TOPAZ1: variants seen among roughly 807,000 people sequenced by gnomAD.
The protein encoded by TOPAZ1 is testis and ovary specific TOPAZ 1.
A neutral mutation model predicts 172.2 loss-of-function variants in TOPAZ1; 66 were observed. The observed-to-expected ratio is 0.38, with a 90% confidence interval of 0.31 to 0.47. The LOEUF (loss-of-function observed/expected upper bound fraction) is 0.47, where lower values mean the gene tolerates loss of function less well. Among genes scored for constraint, TOPAZ1 ranks in the 20% least tolerant of loss-of-function variants. The pLI is 0.99. For synonymous variants in TOPAZ1, 681 were observed against 683.9 expected, an observed-to-expected ratio of 1.00 and a Z score of 0.07; for missense variants, 1,822 against 1,972.4, an observed-to-expected ratio of 0.92 and a Z score of 1.44.
intron 2 of TOPAZ1, among the ~76,000 whole-genome samples, chr3:44,246,153 G>A (rs909676797): frequency 6.6e-6 from 1 of 152,164 alleles, no homozygotes; most frequent in East Asian, 1.9e-4. Flanking sequence ...TAAGGCAATG[G>A]TTTTAAATGA....
intron 15 of TOPAZ1, among the ~76,000 whole-genome samples, chr3:44,306,687 GT>G (rs1277628647): frequency 5.9e-5 from 9 of 152,162 alleles, no homozygotes; most frequent in African/African-American, 2.2e-4. Context: ...CCTGGGCAAT[GT>G]GGACAGATTC....
chr3:44,281,451 T>A (rs2125690789), intron 8 of TOPAZ1, among the ~76,000 whole-genome samples: 1 of 152,352 alleles, frequency 6.6e-6, no homozygotes, highest in Non-Finnish European at 1.5e-5. Context: ...ACTTTTTGCA[T>A]CCTGTTGAAG....
rs1700129710 is a variant in TOPAZ1, at chr3:44,290,871, T to A, written c.3782T>A (p.Leu1261Gln). 6 of 1,545,018 alleles carry A rather than the reference T, an allele frequency of 3.9e-6. No homozygotes were observed. The highest frequency in any genetic ancestry group is 4.4e-6 in the Non-Finnish European group (5 of 1,144,074). Residue 1261 changes from leucine to glutamine, a missense_variant, in exon 12 of 20, where the codon CTG (leucine) becomes CAG (glutamine). By Grantham distance (113) the Leu-to-Gln change is moderately radical. Transcript: ENST00000309765. ...TCCAAACAAGAAATAACTGCAGTTC[T>A]GGAAATGAAATCGAGGTGAGAAAAA... Reference protein sequence around the residue: ...QASKQEITAVLEMKSRLQMRR... With the variant: ...QASKQEITAVQEMKSRLQMRR...
chr3:44,323,042 G>C, intron 17 of TOPAZ1, 50 bp from the exon 18 acceptor site: 3 of 1,311,158 alleles, frequency 2.3e-6, no homozygotes, highest in Non-Finnish European at 3.1e-6. Flanking sequence ...ATGGAGGTTT[G>C]AGACACTTTA....
chr3:44,270,617 G>A (rs1422337184), intron 7 of TOPAZ1, 68 bp from the exon 8 acceptor site: 1 of 1,155,688 alleles, frequency 8.7e-7, no homozygotes, highest in African/African-American at 1.6e-5. Flanking sequence ...TGCTTCAAAT[G>A]CTGTCTTGCT....
chr3:44,316,569 T>C (rs1700453961), intron 16 of TOPAZ1, among the ~76,000 whole-genome samples: 1 of 152,144 alleles, frequency 6.6e-6, no homozygotes, highest in African/African-American at 2.4e-5. Context: ...TCTTTAACTT[T>C]ATGATGTTTT....
chr3:44,331,390 A>G (rs1010556252), intron 19 of TOPAZ1, among the ~76,000 whole-genome samples: 2 of 152,060 alleles, frequency 1.3e-5, no homozygotes, highest in Non-Finnish European at 2.9e-5. Context: ...CAGTGGTGCA[A>G]TCATAGCTCA....
Position 44,285,509 on chromosome 3 carries a change from T to C in TOPAZ1, c.3437-1880T>C, listed in dbSNP as rs148548837. 9.7e-3 allele frequency among the ~76,000 whole-genome samples: 1,473 copies of C among 152,154 alleles called. 10 individuals are homozygous for C. Among genetic ancestry groups the C allele is most frequent in the Middle Eastern group, 0.02 (6 of 294 alleles). ...ATAAAAGACAATGCAGTAGTTTGTGTCAAAATGTATTAAAATGTTCAGACA... is the reference window on the plus strand; with the variant it reads ...ATAAAAGACAATGCAGTAGTTTGTGCCAAAATGTATTAAAATGTTCAGACA... On this transcript the variant is annotated intron_variant, in intron 9 of 19. Coordinates refer to ENST00000309765, the MANE Select transcript of TOPAZ1 (RefSeq NM_001145030.2).
Position 44,304,076 on chromosome 3 carries a change from T to C in TOPAZ1, c.3859T>C (p.Leu1287=). The C allele has an allele frequency of 1.3e-6, 2 of 1,512,086 alleles. No individual in the cohort carries two copies. The highest frequency in any genetic ancestry group is 1.8e-6 in the Non-Finnish European group (2 of 1,114,528). 93.7% of individuals were successfully genotyped at this position (1,512,086 alleles called of 1,614,324 possible). The change falls in exon 13 of 20, where the codon TTA becomes CTA. Residue 1287 remains leucine (L), a synonymous_variant. Transcript: ENST00000309765. The stretch of plus-strand genomic sequence containing the variant: ...TGATTTAGATTCAGCCTTGAATAAA[T>C]TAGAGGTATGACATTTATTATTTTA... ...KCDLDSALNK[L]EHCKEKGDWT...
chr3:44,284,728 TA>T (rs1168121426), intron 9 of TOPAZ1, among the ~76,000 whole-genome samples: 2 of 152,252 alleles, frequency 1.3e-5, no homozygotes, highest in Admixed American at 6.5e-5. Context: ...AAAAACATTT[TA>T]AAACAACTGC....
intron 9 of TOPAZ1, among the ~76,000 whole-genome samples, chr3:44,282,637 C>G (rs936162738): frequency 6.6e-6 from 1 of 152,182 alleles, no homozygotes; most frequent in African/African-American, 2.4e-5. Context: ...TCTCCCCATA[C>G]TAATAGTGAG....
rs1226777474 is a variant in TOPAZ1, at chr3:44,243,576, A to G, written c.1070A>G (p.Glu357Gly). 5.8e-6 allele frequency: 9 copies of G among 1,550,988 alleles called. No homozygotes were observed. The highest frequency in any genetic ancestry group is 7.0e-6 in the Non-Finnish European group (8 of 1,146,980). ...TTCTCTAATGAGTATAACAAGTCTG[A>G]GTTGATGTTGCAAGAAAATCAAATG... ...MNFSNEYNKS[E>G]LMLQENQMIA... Residue 357 changes from glutamate to glycine, a missense_variant, in exon 2 of 20, where the codon GAG (glutamate) becomes GGG (glycine). Glu to Gly is a moderately conservative substitution (Grantham distance 98). Transcript: ENST00000309765.
intron 4 of TOPAZ1, among the ~76,000 whole-genome samples, chr3:44,259,233 T>G (rs1439321641): frequency 6.8e-6 from 1 of 147,762 alleles, no homozygotes; most frequent in Non-Finnish European, 1.5e-5. Context: ...TCTTTTTGAG[T>G]GTAGACTTCC....
Position 44,251,381 on chromosome 3 carries a change from C to T in TOPAZ1, c.2766-3587C>T, listed in dbSNP as rs182568651. ...AAGCAATCCTCCCACATCAGCCTCC[C>T]AAATTGTGGGGATTATAGGTGTGAG... is the stretch of plus-strand genomic sequence containing the variant. On this transcript the variant is annotated intron_variant, in intron 2 of 19. Coordinates refer to ENST00000309765, the MANE Select transcript of TOPAZ1 (RefSeq NM_001145030.2). 6.6e-5 allele frequency among the ~76,000 whole-genome samples: 10 copies of T among 152,306 alleles called. No individual in the cohort carries two copies. In the East Asian group the frequency reaches 1.7e-3, roughly 26 times the overall value.
chr3:44,248,570 G>A (rs1365225370), intron 2 of TOPAZ1, among the ~76,000 whole-genome samples: 2 of 152,188 alleles, frequency 1.3e-5, no homozygotes, highest in African/African-American at 4.8e-5. Flanking sequence ...CTGATAACCA[G>A]AGAATCTATC....
chr3:44,283,266 C>T (rs1413621151), intron 9 of TOPAZ1, among the ~76,000 whole-genome samples: 1 of 152,054 alleles, frequency 6.6e-6, no homozygotes, highest in Non-Finnish European at 1.5e-5. Context: ...AAAATAAAAA[C>T]TTAGATCAGT....
At chr3:44,302,269 G>A (rs1700280698) in intron 12 of TOPAZ1, among the ~76,000 whole-genome samples, 1 of 152,078 alleles carries the variant, frequency 6.6e-6, no homozygotes, top group Non-Finnish European at 1.5e-5. Flanking sequence ...AACTAGCCGG[G>A]TGTGGTGGCG....
chr3:44,253,479 G>C (rs1229489471), intron 2 of TOPAZ1, among the ~76,000 whole-genome samples: 2 of 152,206 alleles, frequency 1.3e-5, no homozygotes, highest in Non-Finnish European at 2.9e-5. Flanking sequence ...GGGTGAGGCA[G>C]AGGGAGGTGT....
chr3:44,303,397 T>C (rs1171197947), intron 12 of TOPAZ1, among the ~76,000 whole-genome samples: 1 of 151,942 alleles, frequency 6.6e-6, no homozygotes, highest in African/African-American at 2.4e-5. Flanking sequence ...CCAAAAACTA[T>C]GCATTTCAAA....
Sources: gnomAD v4.1 joint callset for allele counts (sites outside exome capture counted in the v4.1 genomes callset) on GRCh38, gnomAD v4.1.1 for gene constraint, MANE v1.5 for transcripts, NCBI Gene and HGNC (gene_info 2026-07-23, HGNC 2026-07-21) for gene names.